Variants in KCNIP1 observed in about 807,000 individuals in gnomAD.
KCNIP1 encodes the protein potassium voltage-gated channel interacting protein 1, also known as A-type potassium channel modulatory protein KCNIP1.
A neutral mutation model predicts 33.0 loss-of-function variants in KCNIP1; 18 were observed. The observed-to-expected ratio is 0.55, with a 90% CI of 0.38 to 0.81. The LOEUF (loss-of-function observed/expected upper bound fraction) is 0.81. Ranked by LOEUF, KCNIP1 falls within the 30% of genes least tolerant of loss-of-function variation. The pLI is 0.00. For synonymous variants in KCNIP1, 93 were observed against 98.3 expected, an observed-to-expected ratio of 0.95 and a Z score of 0.32; for missense variants, 238 against 271.6, an observed-to-expected ratio of 0.88 and a Z score of 0.87.
At chr5:170,516,571 C>T (rs1755130627) in intron 1 of KCNIP1, among the ~76,000 whole-genome samples, 1 of 152,200 alleles carries the variant, frequency 6.6e-6, no homozygotes, top group Non-Finnish European at 1.5e-5. Flanking sequence ...TCTCCCCCAC[C>T]CGCCAACAGC....
At chr5:170,673,764 C>T (rs1401806012) in intron 1 of KCNIP1, among the ~76,000 whole-genome samples, 1 of 152,140 alleles carries the variant, frequency 6.6e-6, no homozygotes, top group African/African-American at 2.4e-5. Flanking sequence ...ACTCTCAACG[C>T]TTTATTAATG....
intron 1 of KCNIP1, chr5:170,378,407 T>C (rs314156): frequency 0.11 from 38,473 of 335,132 alleles, 2,813 homozygotes; most frequent in African/African-American, 0.23. Flanking sequence ...GTGGGGCACA[T>C]AGTGATGCAG....
chr5:170,691,083 G>A (rs1325881398), intron 1 of KCNIP1, among the ~76,000 whole-genome samples: 2 of 152,188 alleles, frequency 1.3e-5, no homozygotes, highest in Admixed American at 6.5e-5. Context: ...GAAGGGATGC[G>A]ACCTAGCCAA....
intron 1 of KCNIP1, among the ~76,000 whole-genome samples, chr5:170,650,395 A>G (rs1459857568): frequency 6.7e-6 from 1 of 149,822 alleles, no homozygotes; most frequent in Non-Finnish European, 1.5e-5. Flanking sequence ...AGTAGTTTGC[A>G]TTTTCTACAG....
chr5:170,445,275 C>T (rs541474521), intron 1 of KCNIP1, among the ~76,000 whole-genome samples: 3 of 152,104 alleles, frequency 2.0e-5, no homozygotes, highest in Admixed American at 1.3e-4. Flanking sequence ...TCTCCAATTG[C>T]CTCAGATGCA....
intron 1 of KCNIP1, among the ~76,000 whole-genome samples, chr5:170,531,225 T>C (rs1045347577): frequency 1.3e-5 from 2 of 152,182 alleles, no homozygotes; most frequent in Non-Finnish European, 2.9e-5. Context: ...ATTATGATGA[T>C]GGGCCTTTGG....
intron 1 of KCNIP1, among the ~76,000 whole-genome samples, chr5:170,564,259 C>T (rs1440861170): frequency 1.3e-5 from 2 of 152,146 alleles, no homozygotes; most frequent in African/African-American, 2.4e-5. Flanking sequence ...AAACTGTACT[C>T]GTGTTCTGGG....
chr5:170,700,646 T>C (rs1763061787), intron 1 of KCNIP1, among the ~76,000 whole-genome samples: 1 of 152,202 alleles, frequency 6.6e-6, no homozygotes. Context: ...TGTTCATGCA[T>C]GGAATTGTGA....
chr5:170,489,760 A>G lies in KCNIP1; in HGVS notation c.88+135796A>G, dbSNP rs1581237769. ...CAACTGACGGGAGCTATCCTGGGGA[A>G]TGAAGCCTGAGGCTAAAACCTATGC... On this transcript the variant is annotated intron_variant, in intron 1 of 7. Transcript: ENST00000377360. This position sits in a 1 kb window ranked among gnomAD's most constrained non-coding sequence, Gnocchi z 4.3. 6.6e-6 allele frequency among the ~76,000 whole-genome samples: 1 copy of G among 152,196 alleles called. No homozygotes were observed. Among genetic ancestry groups the G allele is most frequent in the East Asian group, 1.9e-4 (1 of 5,188 alleles).
At chr5:170,609,366 T>C (rs529479450) in intron 1 of KCNIP1, among the ~76,000 whole-genome samples, 149 of 152,294 alleles carry the variant, frequency 9.8e-4, no homozygotes, top group African/African-American at 3.2e-3. Flanking sequence ...AAGCAATCTT[T>C]CCAAAGGGAT....
At chr5:170,553,586 C>G (rs1286050849) in intron 1 of KCNIP1, among the ~76,000 whole-genome samples, 1 of 152,234 alleles carries the variant, frequency 6.6e-6, no homozygotes, top group Non-Finnish European at 1.5e-5. Flanking sequence ...TGGAGCATCT[C>G]TTGTACGCCC....
At chr5:170,723,396 A>G (rs1581547048) in intron 5 of KCNIP1, among the ~76,000 whole-genome samples, 1 of 151,964 alleles carries the variant, frequency 6.6e-6, no homozygotes, top group Non-Finnish European at 1.5e-5. Context: ...CCAGTGAAAT[A>G]CCCTCAGGTC....
intron 1 of KCNIP1, among the ~76,000 whole-genome samples, chr5:170,527,247 GTTAAA>G (rs1400543447): frequency 1.3e-5 from 2 of 152,162 alleles, no homozygotes; most frequent in African/African-American, 2.4e-5. Flanking sequence ...CATGGCAGAA[GTTAAA>G]TTAAACTATG....
chr5:170,390,080 C>T (rs1764656228), intron 1 of KCNIP1, among the ~76,000 whole-genome samples: 1 of 152,140 alleles, frequency 6.6e-6, no homozygotes, highest in Non-Finnish European at 1.5e-5. Flanking sequence ...TCACCAGGGG[C>T]CCTCCCAGAG....
chr5:170,638,093 A>G (rs1760365304), intron 1 of KCNIP1, among the ~76,000 whole-genome samples: 1 of 152,092 alleles, frequency 6.6e-6, no homozygotes, highest in Non-Finnish European at 1.5e-5. Context: ...GCAAGGTTTG[A>G]GATGCCAGCA....
At chr5:170,366,238 C>T (rs562185678) in intron 1 of KCNIP1, among the ~76,000 whole-genome samples, 78 of 152,338 alleles carry the variant, frequency 5.1e-4, no homozygotes, top group African/African-American at 1.9e-3. Context: ...CCCACACTCT[C>T]CTACGGATGA....
intron 1 of KCNIP1, among the ~76,000 whole-genome samples, chr5:170,456,423 C>A (rs1250481718): frequency 6.6e-6 from 1 of 151,968 alleles, no homozygotes; most frequent in East Asian, 1.9e-4. Context: ...ACATGTATAC[C>A]TGTGTAACAA....
chr5:170,563,015 C>T (rs1224766916), intron 1 of KCNIP1, among the ~76,000 whole-genome samples: 1 of 152,174 alleles, frequency 6.6e-6, no homozygotes, highest in African/African-American at 2.4e-5. Flanking sequence ...ATTTCTCCTC[C>T]TCACCTCCAC....
At chr5:170,684,647 G>A (rs1266976687) in intron 1 of KCNIP1, among the ~76,000 whole-genome samples, 1 of 152,146 alleles carries the variant, frequency 6.6e-6, no homozygotes, top group African/African-American at 2.4e-5. Flanking sequence ...CAGTTCCAAG[G>A]AGGATGAGAA....
Sources: allele counts gnomAD v4.1 joint callset (sites outside exome capture counted in the v4.1 genomes callset), GRCh38; gene constraint gnomAD v4.1.1; non-coding constraint Gnocchi (gnomAD v3.1); transcripts MANE v1.5; gene names NCBI Gene and HGNC (gene_info 2026-07-23, HGNC 2026-07-21).